Variants in ROBO2 observed in about 807,000 individuals in gnomAD.
The protein encoded by ROBO2 is roundabout guidance receptor 2.
ROBO2 carries 53 observed loss-of-function variants against 160.8 expected under a neutral mutation model. The ratio of observed to expected loss-of-function variants is 0.33; its 90% CI spans 0.26 to 0.41. The LOEUF is 0.41. Among genes scored for constraint, ROBO2 ranks in the 10% least tolerant of loss-of-function variants. The pLI, the probability that ROBO2 is intolerant of heterozygous loss-of-function variation, is 1.00. For missense variants in ROBO2, 1,577 were observed against 1,722.4 expected, an observed-to-expected ratio of 0.92 and a Z score of 1.49; for synonymous variants, 664 against 611.7, an observed-to-expected ratio of 1.09 and a Z score of -1.26.
At chr3:76,924,691 CA>C (rs1246525320) in intron 2 of ROBO2, among the ~76,000 whole-genome samples, 1 of 152,180 alleles carries the variant, frequency 6.6e-6, no homozygotes, top group Admixed American at 6.5e-5. Context: ...CTCACTGAAT[CA>C]GAAGCAGGCA....
At chr3:77,423,496 A>G (rs1228215610) in intron 2 of ROBO2, among the ~76,000 whole-genome samples, 1 of 152,100 alleles carries the variant, frequency 6.6e-6, no homozygotes, top group African/African-American at 2.4e-5. Context: ...ACCAAATATA[A>G]CCTCATACAA....
At chr3:77,579,908 A>G (rs1553681411) in intron 15 of ROBO2, 39 bp from the exon 17 acceptor site, 1 of 1,569,386 alleles carries the variant, frequency 6.4e-7, no homozygotes, top group Non-Finnish European at 8.8e-7. Flanking sequence ...AGAAACGATA[A>G]TCTTATATCC....
chr3:76,653,330 A>C (rs567968011), intron 2 of ROBO2, among the ~76,000 whole-genome samples: 1 of 151,320 alleles, frequency 6.6e-6, no homozygotes, highest in Non-Finnish European at 1.5e-5. Context: ...TTTACTTTTG[A>C]TATTTGTCTG....
intron 5 of ROBO2, among the ~76,000 whole-genome samples, chr3:77,512,500 G>A (rs1419161581): frequency 1.3e-5 from 2 of 151,946 alleles, no homozygotes; most frequent in Non-Finnish European, 2.9e-5. Flanking sequence ...GTTCTAGATG[G>A]ATGTATCTCC....
At chr3:76,803,575 C>A (rs1357934748) in intron 2 of ROBO2, among the ~76,000 whole-genome samples, 1 of 151,904 alleles carries the variant, frequency 6.6e-6, no homozygotes, top group East Asian at 1.9e-4. Flanking sequence ...AAAAAAAACA[C>A]ACAGACGTAC....
intron 2 of ROBO2, among the ~76,000 whole-genome samples, chr3:76,458,269 C>G (rs1052334533): frequency 6.6e-6 from 1 of 152,110 alleles, no homozygotes; most frequent in Non-Finnish European, 1.5e-5. Flanking sequence ...CCTCCAGATA[C>G]TCTAAATCAT....
chr3:77,576,302 A>C (rs115545715), intron 14 of ROBO2, among the ~76,000 whole-genome samples: 5 of 152,114 alleles, frequency 3.3e-5, no homozygotes, highest in Non-Finnish European at 5.9e-5. Context: ...GAAATATGTC[A>C]TGACATATTT....
rs898563206 is a variant in ROBO2 at position 76,995,414 on chromosome 3, C to T, written c.110-102600C>T. Among the ~76,000 whole-genome samples, 14 of 152,118 alleles carry T rather than the reference C, an allele frequency of 9.2e-5. No homozygotes were observed. In the East Asian group the frequency reaches 9.7e-4, roughly 11 times the overall value. On this transcript the variant is annotated intron_variant, in intron 2 of 26. Coordinates refer to the ROBO2 transcript ENST00000487694. ...TGAATAGTGCTGCAATAAACATACG[C>T]GTGCATGTGTCTTTACAGCAGCATG...
intron 2 of ROBO2, among the ~76,000 whole-genome samples, chr3:77,445,687 T>A (rs2080402559): frequency 6.6e-6 from 1 of 152,066 alleles, no homozygotes; most frequent in African/African-American, 2.4e-5. Context: ...GAAGCTAGAA[T>A]TTTCATGATA....
chr3:75,973,826 G>A (rs1237832545), intron 2 of ROBO2, among the ~76,000 whole-genome samples: 1 of 151,414 alleles, frequency 6.6e-6, no homozygotes, highest in East Asian at 2.0e-4. Flanking sequence ...TAATAGTTGA[G>A]ATTTCAGAGG....
At chr3:76,551,412 G>A (rs116771399) in intron 2 of ROBO2, among the ~76,000 whole-genome samples, 75 of 152,216 alleles carry the variant, frequency 4.9e-4, no homozygotes, top group African/African-American at 1.7e-3. Flanking sequence ...GCTCCTTTCC[G>A]TCTTGCTCAC....
chr3:76,104,753 G>A (rs528941487), intron 2 of ROBO2, among the ~76,000 whole-genome samples: 59 of 152,114 alleles, frequency 3.9e-4, no homozygotes, highest in African/African-American at 1.4e-3. Flanking sequence ...TATGATGGAG[G>A]GCTAATTAGA....
chr3:76,072,635 T>A (rs1474161078), intron 2 of ROBO2, among the ~76,000 whole-genome samples: 1 of 152,192 alleles, frequency 6.6e-6, no homozygotes, highest in African/African-American at 2.4e-5. Flanking sequence ...GCTTAAGCTG[T>A]TATCAGAAAT....
intron 2 of ROBO2, among the ~76,000 whole-genome samples, chr3:76,867,009 C>T (rs772659203): frequency 2.6e-5 from 4 of 152,110 alleles, no homozygotes; most frequent in Admixed American, 6.6e-5. Flanking sequence ...CATCTGACAA[C>T]GTAACAGTAG....
intron 2 of ROBO2, among the ~76,000 whole-genome samples, chr3:76,414,462 T>C (rs891910326): frequency 2.6e-5 from 4 of 151,878 alleles, no homozygotes; most frequent in African/African-American, 7.3e-5. Context: ...TCATGTCCTT[T>C]GTAGGGACAT....
At chr3:77,377,209 A>C (rs966984080) in intron 2 of ROBO2, among the ~76,000 whole-genome samples, 2 of 152,218 alleles carry the variant, frequency 1.3e-5, no homozygotes, top group African/African-American at 2.4e-5. Flanking sequence ...AAAAGTATAA[A>C]GGAATAAAAT....
intron 2 of ROBO2, among the ~76,000 whole-genome samples, chr3:76,456,260 G>C (rs530194255): frequency 6.6e-6 from 1 of 152,152 alleles, no homozygotes; most frequent in African/African-American, 2.4e-5. Flanking sequence ...ATTAAACCAG[G>C]AGGAGTTATG....
chr3:76,655,664 AAAAAG>A (rs1451922681), intron 2 of ROBO2, among the ~76,000 whole-genome samples: 7 of 148,868 alleles, frequency 4.7e-5, no homozygotes, highest in Admixed American at 3.4e-4. Flanking sequence ...AAAGAAGAAA[AAAAAG>A]AAAGAAAGAG....
At chr3:76,793,985 T>C (rs1373343021) in intron 2 of ROBO2, among the ~76,000 whole-genome samples, 1 of 151,970 alleles carries the variant, frequency 6.6e-6, no homozygotes, top group Non-Finnish European at 1.5e-5. Context: ...TGAAAGTCTT[T>C]TTATTGGCTT....
Sources: allele counts gnomAD v4.1 joint callset (sites outside exome capture counted in the v4.1 genomes callset), GRCh38; gene constraint gnomAD v4.1.1; transcripts MANE v1.5; gene names NCBI Gene and HGNC (gene_info 2026-07-23, HGNC 2026-07-21).